RBFOX1: variants seen among roughly 807,000 people sequenced by gnomAD.
RBFOX1 encodes the protein RNA binding fox-1 homolog 1, also known as RNA binding protein fox-1 homolog 1.
In RBFOX1, 8 loss-of-function variants were observed where a neutral mutation model predicts 57.7. The ratio of observed to expected loss-of-function variants is 0.14; its 90% CI spans 0.08 to 0.25. The LOEUF (loss-of-function observed/expected upper bound fraction) is 0.25, where lower values mean the gene tolerates loss of function less well. Among genes scored for constraint, RBFOX1 ranks in the 10% least tolerant of loss-of-function variants. The probability of loss-of-function intolerance (pLI) is 1.00; values close to 1 mark genes in which losing one functional copy is unlikely to be tolerated. For synonymous variants in RBFOX1, 326 were observed against 222.4 expected, an observed-to-expected ratio of 1.47 and a Z score of -4.15; for missense variants, 611 against 548.5, an observed-to-expected ratio of 1.11 and a Z score of -1.14.
chr16:7,456,672 C>T (rs185490321), intron 4 of RBFOX1, among the ~76,000 whole-genome samples: 2 of 152,228 alleles, frequency 1.3e-5, no homozygotes, highest in South Asian at 2.1e-4. Context: ...TCAGCATCAC[C>T]CAACGGTCTT....
intron 1 of RBFOX1, among the ~76,000 whole-genome samples, chr16:5,343,436 T>G (rs1297362070): frequency 6.6e-6 from 1 of 151,140 alleles, no homozygotes; most frequent in Admixed American, 6.6e-5. Flanking sequence ...TGCCTCAGCC[T>G]CTTGAGTAGC....
chr16:7,429,944 A>G (rs1346585746), intron 4 of RBFOX1, among the ~76,000 whole-genome samples: 1 of 152,188 alleles, frequency 6.6e-6, no homozygotes, highest in African/African-American at 2.4e-5. Context: ...GACTTGTGAC[A>G]GTGTTGCATT....
intron 4 of RBFOX1, among the ~76,000 whole-genome samples, chr16:7,466,719 G>C (rs1378083850): frequency 6.6e-6 from 1 of 152,222 alleles, no homozygotes; most frequent in East Asian, 1.9e-4. Flanking sequence ...GAATTATTCA[G>C]TGATGATGCC....
At chr16:7,136,087 A>G (rs2071865058) in intron 4 of RBFOX1, among the ~76,000 whole-genome samples, 1 of 152,146 alleles carries the variant, frequency 6.6e-6, no homozygotes, top group African/African-American at 2.4e-5. Context: ...AAGACTAAAC[A>G]CCTTGCAGGC....
chr16:6,936,023 A>G (rs1388116510), intron 3 of RBFOX1, among the ~76,000 whole-genome samples: 1 of 152,190 alleles, frequency 6.6e-6, no homozygotes, highest in African/African-American at 2.4e-5. Flanking sequence ...GATAATGGCA[A>G]GAGGGTTTCT....
chr16:5,469,226 C>T (rs1214361836), intron 2 of RBFOX1, among the ~76,000 whole-genome samples: 1 of 152,154 alleles, frequency 6.6e-6, no homozygotes, highest in Non-Finnish European at 1.5e-5. Flanking sequence ...TTCTCAGAGT[C>T]CTCTTTCTTT....
intron 1 of RBFOX1, among the ~76,000 whole-genome samples, chr16:6,144,650 A>G (rs1348970647): frequency 2.0e-5 from 3 of 152,206 alleles, no homozygotes; most frequent in East Asian, 1.9e-4. Context: ...TTCTGCCCAC[A>G]TCAGTCTTCC....
chr16:5,859,895 G>C (rs2057166590), intron 3 of RBFOX1, among the ~76,000 whole-genome samples: 1 of 152,200 alleles, frequency 6.6e-6, no homozygotes, highest in African/African-American at 2.4e-5. Flanking sequence ...AGTTGACTCA[G>C]GTTTCTTGGT....
intron 3 of RBFOX1, among the ~76,000 whole-genome samples, chr16:6,864,611 AT>A (rs967320597): frequency 2.0e-5 from 3 of 150,518 alleles, no homozygotes; most frequent in African/African-American, 7.4e-5. Context: ...CAACGGCAGG[AT>A]ATTTGAGAAT....
intron 2 of RBFOX1, among the ~76,000 whole-genome samples, chr16:6,635,360 T>C (rs189503832): frequency 1.3e-5 from 2 of 152,120 alleles, no homozygotes; most frequent in East Asian, 1.9e-4. Context: ...TAAATATAAG[T>C]ACAAGTGAAA....
At chr16:7,320,417 T>C (rs36095768) in intron 4 of RBFOX1, among the ~76,000 whole-genome samples, 1 of 152,204 alleles carries the variant, frequency 6.6e-6, no homozygotes, top group East Asian at 1.9e-4. Context: ...CTCATCCTTT[T>C]TTATGGCTGC....
intron 4 of RBFOX1, among the ~76,000 whole-genome samples, chr16:5,956,659 TATATATATATATA>T (rs1350611711): frequency 2.5e-4 from 18 of 71,772 alleles, no homozygotes; most frequent in Middle Eastern, 6.8e-3. Context: ...TATATATATT[TATATATATATATA>T]TATATATTTT....
intron 2 of RBFOX1, among the ~76,000 whole-genome samples, chr16:6,532,502 T>C (rs866355550): frequency 2.6e-5 from 4 of 152,184 alleles, no homozygotes; most frequent in Admixed American, 1.3e-4. Context: ...TATTAAACAT[T>C]GTTTCTATTA....
intron 5 of RBFOX1, among the ~76,000 whole-genome samples, chr16:7,541,717 A>C (rs1398083599): frequency 6.6e-6 from 1 of 152,206 alleles, no homozygotes; most frequent in East Asian, 1.9e-4. Context: ...GGCTTTCTCC[A>C]TGCAAGCAGC....
chr16:5,589,247 C>T (rs933649126), intron 2 of RBFOX1, among the ~76,000 whole-genome samples: 3 of 152,098 alleles, frequency 2.0e-5, no homozygotes, highest in Non-Finnish European at 2.9e-5. Context: ...ATGAGTGTAC[C>T]AAGGGAATGC....
At chr16:5,498,223 A>G (rs968748223) in intron 2 of RBFOX1, among the ~76,000 whole-genome samples, 3 of 152,124 alleles carry the variant, frequency 2.0e-5, no homozygotes, top group Non-Finnish European at 2.9e-5. Context: ...GCCCACTGCA[A>G]CTTCTGCTTC....
At chr16:7,614,140 A>T (rs1248794455) in intron 10 of RBFOX1, 1 of 152,116 alleles carries the variant, frequency 6.6e-6, no homozygotes, top group Non-Finnish European at 1.5e-5. Flanking sequence ...TGAACCATTG[A>T]CCTTTGGCTC....
At chr16:7,490,902 A>G (rs1042269217) in intron 4 of RBFOX1, among the ~76,000 whole-genome samples, 7 of 152,172 alleles carry the variant, frequency 4.6e-5, no homozygotes, top group Admixed American at 2.6e-4. Context: ...TTATCAGCCT[A>G]AGGATACATA....
chr16:7,677,121 TCACATA>T (rs1423159871), intron 14 of RBFOX1, among the ~76,000 whole-genome samples: 1 of 53,674 alleles, frequency 1.9e-5, no homozygotes, highest in Non-Finnish European at 5.0e-5. Context: ...CGCACCTTGC[TCACATA>T]CACATACACA....
Sources: allele counts gnomAD v4.1 joint callset (sites outside exome capture counted in the v4.1 genomes callset), GRCh38; gene constraint gnomAD v4.1.1; transcripts MANE v1.5; gene names NCBI Gene and HGNC (gene_info 2026-07-23, HGNC 2026-07-21).